Variants in PRKN observed in about 807,000 individuals in gnomAD.
PRKN encodes parkin RBR E3 ubiquitin protein ligase, also known as E3 ubiquitin-protein ligase parkin.
A neutral mutation model predicts 59.5 loss-of-function variants in PRKN; 56 were observed. The ratio of observed to expected loss-of-function variants is 0.94; its 90% CI spans 0.76 to 1.18. The LOEUF (loss-of-function observed/expected upper bound fraction) is 1.18. Ranked by LOEUF, PRKN falls within the 50% of genes most tolerant of loss-of-function variation. PRKN has a pLI of 0.00. For missense variants in PRKN, 657 were observed against 596.4 expected (o/e 1.10, Z -1.06); for synonymous variants, 250 against 222.1 (o/e 1.13, Z -1.12).
intron 1 of PRKN, among the ~76,000 whole-genome samples, chr6:162,580,059 A>C (rs1162538902): frequency 6.6e-6 from 1 of 152,184 alleles, no homozygotes; most frequent in East Asian, 1.9e-4. Context: ...CATAGATGTG[A>C]AGTGGGCTGA....
chr6:161,558,274 A>G (rs1219712042), intron 8 of PRKN, among the ~76,000 whole-genome samples: 1 of 152,170 alleles, frequency 6.6e-6, no homozygotes, highest in East Asian at 1.9e-4. Flanking sequence ...CTATTAAAAA[A>G]AATTCAGTCA....
intron 6 of PRKN, among the ~76,000 whole-genome samples, chr6:161,884,785 T>A (rs1795069559): frequency 6.7e-6 from 1 of 150,194 alleles, no homozygotes; most frequent in Non-Finnish European, 1.5e-5. Context: ...TAGATCTATA[T>A]ATGAAATGTA....
At chr6:161,750,142 C>CATATAT (rs1554300410) in intron 7 of PRKN, among the ~76,000 whole-genome samples, 3,623 of 136,782 alleles carry the variant, frequency 0.026, 154 homozygotes, top group African/African-American at 0.094. Context: ...CACACACACA[C>CATATAT]ATATATAAAT....
At chr6:162,164,504 G>A (rs903094829) in intron 4 of PRKN, among the ~76,000 whole-genome samples, 2 of 148,970 alleles carry the variant, frequency 1.3e-5, no homozygotes, top group Non-Finnish European at 3.0e-5. Context: ...GAGCCACCAT[G>A]CCTGGCCTAA....
Position 161,576,661 on chromosome 6 carries a change from T to G in PRKN, c.872-7245A>C, listed in dbSNP as rs564856187. On this transcript the variant is annotated intron_variant, in intron 7 of 11. Coordinates refer to ENST00000366898, the MANE Select transcript of PRKN (RefSeq NM_004562.3). This position sits in a 1 kb window ranked among gnomAD's most constrained non-coding sequence, Gnocchi z 4.6. ...CTAAAGGGGCGAGAGACAATAAAAA[T>G]AAACTAATAAGTAGGTAAATGAAGT... 6.6e-6 allele frequency among the ~76,000 whole-genome samples: 1 copy of G among 152,106 alleles called. No homozygotes were observed. Among genetic ancestry groups the G allele is most frequent in the Non-Finnish European group, 1.5e-5 (1 of 68,026 alleles).
chr6:161,935,276 GTGGT>G (rs112946538), intron 6 of PRKN, among the ~76,000 whole-genome samples: 1,909 of 152,220 alleles, frequency 0.013, 44 homozygotes, highest in African/African-American at 0.042. Context: ...ATGGTCAGGT[GTGGT>G]TGGTTGCTCA....
At chr6:162,411,887 G>C (rs1212885167) in intron 2 of PRKN, among the ~76,000 whole-genome samples, 1 of 151,982 alleles carries the variant, frequency 6.6e-6, no homozygotes, top group Non-Finnish European at 1.5e-5. Flanking sequence ...TCCTATATTA[G>C]AAATTTGAAT....
At position 161,457,946 on chromosome 6, in the gene PRKN, AG is replaced by A. The variant is rs1227958757; in HGVS notation, c.1084-71070del. Among the ~76,000 whole-genome samples the A allele has an allele frequency of 1.3e-5, 2 of 152,200 alleles. No individual in the cohort carries two copies. Among genetic ancestry groups the A allele is most frequent in the African/African-American group, 4.8e-5 (2 of 41,462 alleles). On this transcript the variant is annotated intron_variant, in intron 9 of 11. Coordinates refer to ENST00000366898, the MANE Select transcript of PRKN (RefSeq NM_004562.3). The surrounding 1 kb of genome is among the most constrained non-coding windows in gnomAD (Gnocchi z 5.0). Reference sequence around the variant, plus strand: ...GCAGAAAAGGTGATTTGGTGTTTCAAGGGTTGTGGGCTTTTATGGGACACAA... The same window carrying A: ...GCAGAAAAGGTGATTTGGTGTTTCAAGGTTGTGGGCTTTTATGGGACACAA...
intron 9 of PRKN, among the ~76,000 whole-genome samples, chr6:161,394,007 CA>C (rs746815105): frequency 5.9e-5 from 9 of 152,138 alleles, no homozygotes; most frequent in Non-Finnish European, 8.8e-5. Context: ...AAGATGGCAG[CA>C]GAGATACGTA....
In PRKN at chr6:162,052,973, G is replaced by A. The variant is rs143655717; in HGVS notation, c.618+1118C>T. Among the ~76,000 whole-genome samples the A allele has an allele frequency of 7.2e-5, 11 of 152,018 alleles. No individual in the cohort carries two copies. The South Asian group carries it at 8.3e-4, about 11-fold the overall frequency. Reference sequence around the variant, plus strand: ...ATATTACATTTGTATACATGTAAACGTATGTAATTACACTTAAGAATTCTG... The same window carrying A: ...ATATTACATTTGTATACATGTAAACATATGTAATTACACTTAAGAATTCTG... On this transcript the variant is annotated intron_variant, in intron 5 of 11. Coordinates refer to ENST00000366898, the MANE Select transcript of PRKN (RefSeq NM_004562.3).
At chr6:161,847,681 G>A (rs1793258037) in intron 6 of PRKN, among the ~76,000 whole-genome samples, 2 of 151,872 alleles carry the variant, frequency 1.3e-5, no homozygotes, top group South Asian at 4.2e-4. Context: ...ATTGAATCCG[G>A]GGTGCATCAC....
chr6:161,368,128 T>G (rs960508431), intron 10 of PRKN, among the ~76,000 whole-genome samples: 1 of 151,250 alleles, frequency 6.6e-6, no homozygotes, highest in Non-Finnish European at 1.5e-5. Flanking sequence ...GAGAGCACAG[T>G]TTTCAAACAG....
rs141423453 is a variant in PRKN, at chr6:162,329,914, C to T, written c.172-67149G>A. ...GGAAAACACTGAGGGATCATCTTGT[C>T]GGCCTATCAGAAACGGTATCCAATC... On this transcript the variant is annotated intron_variant, in intron 2 of 11. Transcript: ENST00000366898. 2.1e-3 allele frequency among the ~76,000 whole-genome samples: 317 copies of T among 152,212 alleles called. 1 individual carries two copies. The highest frequency in any genetic ancestry group is 3.6e-3 in the Non-Finnish European group (246 of 68,014).
intron 1 of PRKN, among the ~76,000 whole-genome samples, chr6:162,660,702 T>C (rs569651158): frequency 6.6e-6 from 1 of 152,262 alleles, no homozygotes; most frequent in East Asian, 1.9e-4. Flanking sequence ...CAAGATTCGG[T>C]ACCTAAGACA....
At chr6:161,967,872 T>C (rs1780640761) in intron 6 of PRKN, among the ~76,000 whole-genome samples, 1 of 152,154 alleles carries the variant, frequency 6.6e-6, no homozygotes, top group Non-Finnish European at 1.5e-5. Context: ...CCAGTAAACC[T>C]ACATTTTACA....
intron 9 of PRKN, among the ~76,000 whole-genome samples, chr6:161,418,970 C>T (rs903764218): frequency 2.6e-5 from 4 of 152,126 alleles, no homozygotes; most frequent in Non-Finnish European, 4.4e-5. Flanking sequence ...GTTGCCTACA[C>T]AGAAACAATC....
intron 6 of PRKN, among the ~76,000 whole-genome samples, chr6:161,934,474 T>C (rs1583367700): frequency 6.6e-6 from 1 of 152,316 alleles, no homozygotes; most frequent in South Asian, 2.1e-4. Flanking sequence ...GGTTTACTGA[T>C]TAGGCCTTGA....
chr6:162,327,822 A>C (rs1010778351), intron 2 of PRKN, among the ~76,000 whole-genome samples: 1 of 152,158 alleles, frequency 6.6e-6, no homozygotes, highest in Admixed American at 6.6e-5. Flanking sequence ...CATGGTCTCC[A>C]AGGTCTTATC....
At chr6:162,405,124 C>A (rs1787992696) in intron 2 of PRKN, among the ~76,000 whole-genome samples, 1 of 152,138 alleles carries the variant, frequency 6.6e-6, no homozygotes, top group Admixed American at 6.5e-5. Flanking sequence ...GCTCCTGAAG[C>A]CTTTAAGAGA....
Sources: allele counts gnomAD v4.1 joint callset (sites outside exome capture counted in the v4.1 genomes callset), GRCh38; gene constraint gnomAD v4.1.1; non-coding constraint Gnocchi (gnomAD v3.1); transcripts MANE v1.5; gene names NCBI Gene and HGNC (gene_info 2026-07-23, HGNC 2026-07-21).